Variants in ADAMTSL1 observed in about 807,000 individuals in gnomAD.
The protein encoded by ADAMTSL1 is ADAMTS-like protein 1.
A neutral mutation model predicts 201.8 loss-of-function variants in ADAMTSL1; 126 were observed. That is an observed-to-expected ratio of 0.62 (90% CI 0.54 to 0.72). The LOEUF (loss-of-function observed/expected upper bound fraction) is 0.72. Among genes scored for constraint, ADAMTSL1 ranks in the 30% least tolerant of loss-of-function variants. The pLI is 0.00. For synonymous variants in ADAMTSL1, 1,121 were observed against 903.4 expected (o/e 1.24, Z -4.32); for missense variants, 2,679 against 2,277.8 (o/e 1.18, Z -3.59).
At chr9:18,443,623 TA>T (rs1459718024) in intron 2 of ADAMTSL1, among the ~76,000 whole-genome samples, 3 of 152,222 alleles carry the variant, frequency 2.0e-5, no homozygotes, top group Non-Finnish European at 2.9e-5. Flanking sequence ...AATGACTTCA[TA>T]AATCAGTTCA....
At chr9:18,594,879 T>C (rs1824163444) in intron 4 of ADAMTSL1, among the ~76,000 whole-genome samples, 1 of 152,150 alleles carries the variant, frequency 6.6e-6, no homozygotes, top group Non-Finnish European at 1.5e-5. Context: ...AGAGCAACAA[T>C]GTCTGTGCAT....
At chr9:18,271,073 G>A (rs1277326287) in intron 2 of ADAMTSL1, among the ~76,000 whole-genome samples, 1 of 152,142 alleles carries the variant, frequency 6.6e-6, no homozygotes, top group Non-Finnish European at 1.5e-5. Flanking sequence ...GTTTATTGTT[G>A]TAAACAGTGG....
At position 18,889,872 on chromosome 9, in the gene ADAMTSL1, T is replaced by C; in HGVS notation, c.4643+124T>C. ...AGAGATGCCAGCCAAGGAGCTGTTCTTCCCTCTAGGCACAGGCTTATCAGG... is the reference window on the plus strand; with the variant it reads ...AGAGATGCCAGCCAAGGAGCTGTTCCTCCCTCTAGGCACAGGCTTATCAGG... On this transcript the variant is annotated intron_variant, in intron 25 of 28. Transcript: ENST00000380548. The C allele has an allele frequency of 5.0e-6, 5 of 1,008,820 alleles. No individual in the cohort carries two copies. In the South Asian group the frequency reaches 1.3e-4, roughly 27 times the overall value. The allele number at this position is 1,008,820 out of a possible 1,614,324, so 62.5% of individuals were successfully genotyped here.
At chr9:18,302,086 A>C (rs1833729001) in intron 2 of ADAMTSL1, among the ~76,000 whole-genome samples, 1 of 152,126 alleles carries the variant, frequency 6.6e-6, no homozygotes, top group Admixed American at 6.5e-5. Context: ...CCATTTCATT[A>C]AAGCTTGTCA....
intron 1 of ADAMTSL1, among the ~76,000 whole-genome samples, chr9:18,063,114 A>G (rs1218777844): frequency 6.6e-6 from 1 of 152,150 alleles, no homozygotes; most frequent in Non-Finnish European, 1.5e-5. Flanking sequence ...GGATTGCTTG[A>G]GGCCAGGAGT....
intron 1 of ADAMTSL1, among the ~76,000 whole-genome samples, chr9:18,094,389 C>T (rs904923611): frequency 3.3e-5 from 5 of 152,190 alleles, no homozygotes; most frequent in African/African-American, 1.2e-4. Flanking sequence ...GTGAACTTCT[C>T]AGTTATGTGT....
intron 2 of ADAMTSL1, among the ~76,000 whole-genome samples, chr9:18,256,677 T>A (rs1300477051): frequency 6.6e-6 from 1 of 152,194 alleles, no homozygotes; most frequent in African/African-American, 2.4e-5. Context: ...TTCTGGAACC[T>A]ACTAGCCTCA....
intron 20 of ADAMTSL1, among the ~76,000 whole-genome samples, chr9:18,809,294 C>G (rs1244683735): frequency 6.6e-6 from 1 of 152,158 alleles, no homozygotes; most frequent in Non-Finnish European, 1.5e-5. Context: ...GCACAGAGAC[C>G]TGAACGACCG....
At chr9:18,859,427 C>A (rs1348246776) in intron 23 of ADAMTSL1, among the ~76,000 whole-genome samples, 3 of 152,198 alleles carry the variant, frequency 2.0e-5, no homozygotes, top group Non-Finnish European at 2.9e-5. Flanking sequence ...TCCCCCATCT[C>A]AGTATTCTTT....
intron 19 of ADAMTSL1, among the ~76,000 whole-genome samples, chr9:18,780,381 C>T (rs948256112): frequency 6.6e-6 from 1 of 152,202 alleles, no homozygotes; most frequent in African/African-American, 2.4e-5. Context: ...ACCACAGTAA[C>T]TTCAGAAGTT....
chr9:18,728,818 C>A (rs1395259943), intron 15 of ADAMTSL1, among the ~76,000 whole-genome samples: 1 of 152,152 alleles, frequency 6.6e-6, no homozygotes, highest in African/African-American at 2.4e-5. Flanking sequence ...CCAGGAGAGT[C>A]CTGTGTGCCA....
chr9:18,619,779 A>G (rs1587720992), intron 4 of ADAMTSL1, among the ~76,000 whole-genome samples: 2 of 152,282 alleles, frequency 1.3e-5, no homozygotes, highest in East Asian at 3.9e-4. Flanking sequence ...TGAAATTCCT[A>G]TAGTTTAAGG....
At chr9:18,271,870 A>G (rs1432577749) in intron 2 of ADAMTSL1, among the ~76,000 whole-genome samples, 1 of 152,046 alleles carries the variant, frequency 6.6e-6, no homozygotes, top group Non-Finnish European at 1.5e-5. Flanking sequence ...TCGCCATTCT[A>G]ACTGGTGTGA....
intron 4 of ADAMTSL1, among the ~76,000 whole-genome samples, chr9:18,597,819 A>G (rs1824366130): frequency 6.6e-6 from 1 of 152,190 alleles, no homozygotes; most frequent in South Asian, 2.1e-4. Context: ...GCCTTTGAAC[A>G]TAATTGTACC....
At chr9:18,586,189 C>T (rs1275768688) in intron 4 of ADAMTSL1, among the ~76,000 whole-genome samples, 3 of 152,144 alleles carry the variant, frequency 2.0e-5, no homozygotes, top group East Asian at 3.9e-4. Context: ...TCTAGAAAAC[C>T]ACATGGGCTC....
intron 13 of ADAMTSL1, among the ~76,000 whole-genome samples, chr9:18,687,371 A>C (rs1830901685): frequency 6.6e-6 from 1 of 152,236 alleles, no homozygotes; most frequent in African/African-American, 2.4e-5. Flanking sequence ...TATTGAAAAA[A>C]TGATCAACTG....
chr9:18,240,155 T>C (rs1279107144), intron 2 of ADAMTSL1, among the ~76,000 whole-genome samples: 1 of 152,156 alleles, frequency 6.6e-6, no homozygotes, highest in Non-Finnish European at 1.5e-5. Flanking sequence ...TATGGCAGTT[T>C]TAGCCTGACA....
At position 18,051,097 on chromosome 9, in the gene ADAMTSL1, G is replaced by C. The variant is rs148767983; in HGVS notation, c.88-112765G>C. Reference sequence around the variant, plus strand: ...CGGGCAGATCATGAGGTCAGGAGATGGAGACCATCCTGGCTAACATAGTGA... The same window carrying C: ...CGGGCAGATCATGAGGTCAGGAGATCGAGACCATCCTGGCTAACATAGTGA... On this transcript the variant is annotated intron_variant, in intron 1 of 29. Transcript: ENST00000680146. 5.1e-4 allele frequency among the ~76,000 whole-genome samples: 78 copies of C among 152,188 alleles called. 1 individual carries two copies. The East Asian group carries it at 0.01, about 20-fold the overall frequency.
chr9:18,666,155 G>A (rs1362230997), intron 9 of ADAMTSL1, among the ~76,000 whole-genome samples: 2 of 152,136 alleles, frequency 1.3e-5, no homozygotes, highest in African/African-American at 2.4e-5. Context: ...CAACAATTGA[G>A]CCATGCTGGC....
Sources: gnomAD v4.1 joint callset for allele counts (sites outside exome capture counted in the v4.1 genomes callset) on GRCh38, gnomAD v4.1.1 for gene constraint, MANE v1.5 for transcripts, NCBI Gene and HGNC (gene_info 2026-07-23, HGNC 2026-07-21) for gene names.